BEND7: variants seen among roughly 807,000 people sequenced by gnomAD.
BEND7 encodes BEN domain containing 7, also known as BEN domain-containing protein 7.
In BEND7, 28 loss-of-function variants were observed where a neutral mutation model predicts 50.9. The ratio of observed to expected loss-of-function variants is 0.55; its 90% CI spans 0.41 to 0.75. The LOEUF (loss-of-function observed/expected upper bound fraction) is 0.75. Among genes scored for constraint, BEND7 ranks in the 30% least tolerant of loss-of-function variants. The pLI, the probability that BEND7 is intolerant of heterozygous loss-of-function variation, is 0.00. For missense variants in BEND7, 477 were observed against 491.3 expected (o/e 0.97, Z 0.28); for synonymous variants, 170 against 183.9 (o/e 0.92, Z 0.61).
intron 6 of BEND7, among the ~76,000 whole-genome samples, chr10:13,471,403 GA>G (rs1236545681): frequency 2.6e-5 from 4 of 152,236 alleles, no homozygotes; most frequent in African/African-American, 9.6e-5. Flanking sequence ...ACTGTTTGGG[GA>G]AATGTCAACT....
intron 2 of BEND7, among the ~76,000 whole-genome samples, chr10:13,525,588 C>A (rs903176993): frequency 6.6e-6 from 1 of 152,178 alleles, no homozygotes; most frequent in East Asian, 1.9e-4. Flanking sequence ...GTTAGGCAGA[C>A]AGTCACACTT....
At chr10:13,527,673 G>C (rs2079519649) in intron 1 of BEND7, among the ~76,000 whole-genome samples, 1 of 152,024 alleles carries the variant, frequency 6.6e-6, no homozygotes, top group African/African-American at 2.4e-5. Context: ...AATTAAAGAT[G>C]ACAATGCATT....
At chr10:13,511,582 G>A (rs965371179) in intron 2 of BEND7, among the ~76,000 whole-genome samples, 1 of 152,068 alleles carries the variant, frequency 6.6e-6, no homozygotes, top group Non-Finnish European at 1.5e-5. Context: ...GCTGGGGTGT[G>A]GCACGTTTTG....
chr10:13,473,411 C>A (rs141055869), intron 6 of BEND7, among the ~76,000 whole-genome samples: 1 of 150,942 alleles, frequency 6.6e-6, no homozygotes, highest in African/African-American at 2.4e-5. Context: ...CGCTGTTGGA[C>A]TCGGGGCCGA....
chr10:13,445,595 T>G (rs961666267), intron 8 of BEND7: 21 of 152,310 alleles, frequency 1.4e-4, no homozygotes, highest in African/African-American at 3.8e-4. Context: ...AAAGAAGGGA[T>G]TGGACTAGAG....
chr10:13,471,618 G>T (rs1375756830), intron 6 of BEND7, among the ~76,000 whole-genome samples: 4 of 152,380 alleles, frequency 2.6e-5, no homozygotes, highest in African/African-American at 9.6e-5. Flanking sequence ...TCTAGTCCTG[G>T]TGAGGCACTG....
chr10:13,457,338 T>C (rs1839207665), intron 6 of BEND7, among the ~76,000 whole-genome samples: 1 of 152,228 alleles, frequency 6.6e-6, no homozygotes, highest in Admixed American at 6.5e-5. Context: ...AGTCCAACCT[T>C]GAGCTCAAAT....
At chr10:13,478,370 G>C (rs1434540897) in intron 6 of BEND7, among the ~76,000 whole-genome samples, 1 of 152,194 alleles carries the variant, frequency 6.6e-6, no homozygotes, top group Non-Finnish European at 1.5e-5. Flanking sequence ...GAAATAACCT[G>C]CATACCAAAG....
intron 2 of BEND7, among the ~76,000 whole-genome samples, chr10:13,520,343 C>G (rs986697608): frequency 2.8e-4 from 43 of 152,222 alleles, no homozygotes; most frequent in Admixed American, 1.4e-3. Context: ...CCACCCCATT[C>G]CTTCTCCCTG....
chr10:13,490,857 G>A (rs1171989884), intron 5 of BEND7, among the ~76,000 whole-genome samples: 1 of 152,100 alleles, frequency 6.6e-6, no homozygotes. Context: ...AGGTTGGAGT[G>A]CAGTGGTGTA....
chr10:13,493,964 T>C (rs2076852199), intron 4 of BEND7, among the ~76,000 whole-genome samples: 1 of 152,250 alleles, frequency 6.6e-6, no homozygotes, highest in Admixed American at 6.5e-5. Flanking sequence ...ATTTACACTT[T>C]GATCCTGATA....
rs779256777 is a variant in BEND7, at chr10:13,499,864, G to A, written c.362C>T (p.Pro121Leu). 73 of 1,614,052 alleles carry A rather than the reference G, an allele frequency of 4.5e-5. No individual in the cohort carries two copies. The South Asian group carries it at 5.6e-4, about 12-fold the overall frequency. Residue 121 changes from proline to leucine, a missense_variant, in exon 3 of 9, where the codon CCG becomes CTG. Coordinates refer to ENST00000466271, the MANE Select transcript of BEND7 (RefSeq NM_001369863.1). ...PSSRGVWNELPPQSGQFSGQY... is the reference protein window; with the variant it reads ...PSSRGVWNELLPQSGQFSGQY... ...CCCTGAGAACTGTCCACTCTGGGGC[G>A]GTAGCTCATTCCACACACCACGTGA... is the stretch of plus-strand genomic sequence containing the variant.
At chr10:13,458,856 C>T (rs998110706) in intron 6 of BEND7, among the ~76,000 whole-genome samples, 1 of 152,142 alleles carries the variant, frequency 6.6e-6, no homozygotes, top group African/African-American at 2.4e-5. Context: ...GGGTCCCTCC[C>T]ACTCTCTTTC....
chr10:13,459,628 G>A (rs1034230546), intron 6 of BEND7: 9 of 152,226 alleles, frequency 5.9e-5, no homozygotes, highest in Middle Eastern at 3.2e-3. Flanking sequence ...TGGGTTCTCA[G>A]CATGCAGGCT....
chr10:13,520,286 C>G (rs2078994072), intron 2 of BEND7, among the ~76,000 whole-genome samples: 1 of 152,188 alleles, frequency 6.6e-6, no homozygotes, highest in Non-Finnish European at 1.5e-5. Flanking sequence ...CAAGCCCTAG[C>G]TCCTTTCTTC....
At chr10:13,521,618 T>G (rs1439679725) in intron 2 of BEND7, among the ~76,000 whole-genome samples, 2 of 152,228 alleles carry the variant, frequency 1.3e-5, no homozygotes, top group Non-Finnish European at 2.9e-5. Flanking sequence ...TGCTTCCACA[T>G]ACTGGGATTT....
At chr10:13,439,838 C>T (rs887211669), downstream of BEND7, among the ~76,000 whole-genome samples, 1 of 152,254 alleles carries the variant, frequency 6.6e-6, no homozygotes, top group Non-Finnish European at 1.5e-5. Flanking sequence ...AGATGCTCCG[C>T]GGCTGCCCGC....
At chr10:13,468,779 GA>G (rs531214266) in intron 6 of BEND7, among the ~76,000 whole-genome samples, 32 of 152,060 alleles carry the variant, frequency 2.1e-4, no homozygotes, top group African/African-American at 6.0e-4. Context: ...GAGTTGCAAA[GA>G]AAAAAAGGCA....
At chr10:13,525,239 A>G (rs1296878148) in intron 2 of BEND7, among the ~76,000 whole-genome samples, 1 of 152,010 alleles carries the variant, frequency 6.6e-6, no homozygotes, top group Non-Finnish European at 1.5e-5. Context: ...TGGGTACTTC[A>G]CTCTTAGAGG....
Sources: gnomAD v4.1 joint callset for allele counts (sites outside exome capture counted in the v4.1 genomes callset) on GRCh38, gnomAD v4.1.1 for gene constraint, MANE v1.5 for transcripts, NCBI Gene and HGNC (gene_info 2026-07-23, HGNC 2026-07-21) for gene names.